Variants in MAML3 observed in about 807,000 individuals in gnomAD.
The protein encoded by MAML3 is mastermind-like protein 3.
In MAML3, 27 loss-of-function variants were observed where a neutral mutation model predicts 101.9. That is an observed-to-expected ratio of 0.27 (90% confidence interval 0.20 to 0.37). MAML3 has a LOEUF of 0.37. Among genes scored for constraint, MAML3 ranks in the 10% least tolerant of loss-of-function variants. MAML3 has a pLI of 1.00. For missense variants in MAML3, 1,316 were observed against 1,444.9 expected (o/e 0.91, Z 1.45); for synonymous variants, 501 against 555.9 (o/e 0.90, Z 1.39).
At chr4:140,151,213 A>G (rs1729159459) in intron 1 of MAML3, among the ~76,000 whole-genome samples, 1 of 149,104 alleles carries the variant, frequency 6.7e-6, no homozygotes, top group Non-Finnish European at 1.5e-5. Context: ...GGGAGGAGGA[A>G]GGGGAGGGGG....
intron 1 of MAML3, among the ~76,000 whole-genome samples, chr4:140,046,825 CTG>C (rs886894176): frequency 1.3e-5 from 2 of 151,992 alleles, no homozygotes; most frequent in Admixed American, 1.3e-4. Flanking sequence ...TGTACTGAAG[CTG>C]TGTTTGCATA....
At chr4:139,887,935 T>C (rs1055377683) in intron 2 of MAML3, among the ~76,000 whole-genome samples, 7 of 152,214 alleles carry the variant, frequency 4.6e-5, no homozygotes, top group African/African-American at 1.4e-4. Flanking sequence ...TAAGATAATA[T>C]ATAGAAGTTC....
At position 139,864,932 on chromosome 4, in the gene MAML3, T is replaced by G. The variant is rs1286891318; in HGVS notation, c.2079+24425A>C. On this transcript the variant is annotated intron_variant, in intron 2 of 4. Transcript: ENST00000509479. ...TAGTAATGCAAACTTGCTTTTTTTT[T>G]TTTTTTTTTTTTTTTTTTTTTGCCA... Among the ~76,000 whole-genome samples, 26 of 140,632 alleles carry G rather than the reference T, an allele frequency of 1.8e-4. 1 individual carries two copies. Among genetic ancestry groups the G allele is most frequent in the African/African-American group, 4.8e-4 (18 of 37,764 alleles). 92.3% of individuals were successfully genotyped at this position (140,632 alleles called of 152,430 possible).
chr4:139,782,677 G>A (rs1282382769), intron 2 of MAML3, among the ~76,000 whole-genome samples: 1 of 152,100 alleles, frequency 6.6e-6, no homozygotes, highest in Non-Finnish European at 1.5e-5. Flanking sequence ...TTCAGCCAAG[G>A]ATCAACTGCA....
intron 1 of MAML3, among the ~76,000 whole-genome samples, chr4:139,943,115 G>T (rs1733637454): frequency 6.6e-6 from 1 of 152,114 alleles, no homozygotes; most frequent in African/African-American, 2.4e-5. Context: ...AAAATAAAAA[G>T]ATTCCTCCAA....
At chr4:139,919,734 A>G (rs902854227) in intron 1 of MAML3, among the ~76,000 whole-genome samples, 1 of 152,176 alleles carries the variant, frequency 6.6e-6, no homozygotes, top group African/African-American at 2.4e-5. Context: ...CTAGTTTACT[A>G]TTTATAACTA....
chr4:139,863,607 G>A (rs1315817476), intron 2 of MAML3, among the ~76,000 whole-genome samples: 1 of 151,942 alleles, frequency 6.6e-6, no homozygotes, highest in Non-Finnish European at 1.5e-5. Context: ...ACAGTGCTGG[G>A]ATTACAGGTG....
intron 4 of MAML3, among the ~76,000 whole-genome samples, chr4:139,724,527 A>C (rs1363871544): frequency 1.3e-5 from 2 of 152,292 alleles, no homozygotes; most frequent in South Asian, 4.1e-4. Flanking sequence ...ATTATATAAA[A>C]GTTTGTATAT....
At chr4:140,053,931 G>A (rs954522212) in intron 1 of MAML3, among the ~76,000 whole-genome samples, 108 of 152,186 alleles carry the variant, frequency 7.1e-4, no homozygotes, top group African/African-American at 2.4e-3. Flanking sequence ...TTTGGCTCAT[G>A]GGTCAGAATG....
At chr4:139,989,101 T>C (rs1173302093) in intron 1 of MAML3, among the ~76,000 whole-genome samples, 1 of 152,034 alleles carries the variant, frequency 6.6e-6, no homozygotes, top group African/African-American at 2.4e-5. Context: ...ATTTATAAAC[T>C]CTGTCCATCG....
chr4:140,087,142 A>G (rs1204972630), intron 1 of MAML3, among the ~76,000 whole-genome samples: 1 of 152,246 alleles, frequency 6.6e-6, no homozygotes, highest in East Asian at 1.9e-4. Context: ...CTTGGGCAAG[A>G]GTAAGACTCC....
chr4:139,809,945 G>T (rs1394456128), intron 2 of MAML3, among the ~76,000 whole-genome samples: 2 of 151,632 alleles, frequency 1.3e-5, no homozygotes, highest in Admixed American at 1.3e-4. Context: ...ATGAATAATG[G>T]TAAATACAAA....
In MAML3 at chr4:139,888,727, CAG is replaced by C. The variant is rs539373711; in HGVS notation, c.2079+628_2079+629del. On this transcript the variant is annotated intron_variant, in intron 2 of 4. Transcript: ENST00000509479. ...TTTCCTGAAATAGAGCTGATTGTATCAGAGAGGTTTCATTGCACTCCCAAGTA... is the reference window on the plus strand; with the variant it reads ...TTTCCTGAAATAGAGCTGATTGTATCAGAGGTTTCATTGCACTCCCAAGTA... The C allele has an allele frequency of 1.3e-4, 66 of 503,468 alleles. 1 individual carries two copies. The highest frequency in any genetic ancestry group is 8.3e-4 in the Admixed American group (41 of 49,454). The allele number at this position is 503,468 out of a possible 1,614,324, so 31.2% of individuals were successfully genotyped here. A position where few individuals can be genotyped will look rare whatever the true frequency, so the allele number is the denominator to read the frequency against.
At chr4:139,805,989 G>C (rs1730693748) in intron 2 of MAML3, among the ~76,000 whole-genome samples, 1 of 152,118 alleles carries the variant, frequency 6.6e-6, no homozygotes, top group Non-Finnish European at 1.5e-5. Flanking sequence ...TCTGAAGTTA[G>C]ATTTGCACCT....
intron 2 of MAML3, among the ~76,000 whole-genome samples, chr4:139,886,304 T>C (rs1435114706): frequency 6.6e-6 from 1 of 152,142 alleles, no homozygotes; most frequent in East Asian, 1.9e-4. Context: ...TAACGAAGGG[T>C]AAACTTTTTT....
chr4:140,002,140 T>C (rs1734936638), intron 1 of MAML3, among the ~76,000 whole-genome samples: 1 of 152,222 alleles, frequency 6.6e-6, no homozygotes. Flanking sequence ...CGTTGTATAA[T>C]AGATCTCTTG....
intron 1 of MAML3, among the ~76,000 whole-genome samples, chr4:139,959,966 G>C (rs1733982279): frequency 6.6e-6 from 1 of 152,076 alleles, no homozygotes; most frequent in African/African-American, 2.4e-5. Flanking sequence ...CCTGTGCCTG[G>C]CATGTCATAG....
At chr4:140,134,270 T>A (rs1294316451) in intron 1 of MAML3, 1 of 456,588 alleles carries the variant, frequency 2.2e-6, no homozygotes, top group Admixed American at 2.3e-5. Context: ...ATAAACACAT[T>A]AAGGAAAGGA....
rs1180979449 is a variant in MAML3 at position 140,153,300 on chromosome 4, C to T, written c.28G>A (p.Ala10Thr). The change falls in exon 1 of 5, where the codon GCC becomes ACC. Residue 10 changes from alanine (A) to threonine (T), a missense_variant. Ala to Thr is a moderately conservative substitution (Grantham distance 58). Transcript: ENST00000509479. MGDFAAPAA[A>T]ANGSSICINS... ...ATGCAAATACTACTGCCATTCGCGGCAGCAGCGGGGGCTGCGAAATCCCCC... is the reference window on the plus strand; with the variant it reads ...ATGCAAATACTACTGCCATTCGCGGTAGCAGCGGGGGCTGCGAAATCCCCC... 6.3e-7 allele frequency: 1 copy of T among 1,598,370 alleles called. No individual in the cohort carries two copies. The highest frequency in any genetic ancestry group is 8.5e-7 in the Non-Finnish European group (1 of 1,171,178).
Sources: allele counts gnomAD v4.1 joint callset (sites outside exome capture counted in the v4.1 genomes callset), GRCh38; gene constraint gnomAD v4.1.1; transcripts MANE v1.5; gene names NCBI Gene and HGNC (gene_info 2026-07-23, HGNC 2026-07-21).